The following SEC24A variants were observed in gnomAD, a reference collection of about 807,000 sequenced individuals.
SEC24A encodes protein transport protein Sec24A.
Under a neutral mutation model 129.4 loss-of-function variants are expected in SEC24A, and 93 were observed. That is an observed-to-expected ratio of 0.72 (90% CI 0.61 to 0.85). SEC24A has a LOEUF of 0.85. SEC24A is among the 40% of genes least tolerant of loss of function. The probability of loss-of-function intolerance (pLI) is 0.00; values close to 1 mark genes in which losing one functional copy is unlikely to be tolerated. For missense variants in SEC24A, 1,264 were observed against 1,307.4 expected (o/e 0.97, Z 0.51); for synonymous variants, 460 against 467.3 (o/e 0.98, Z 0.20).
chr5:134,691,960 G>A (rs2150096228), intron 11 of SEC24A, among the ~76,000 whole-genome samples: 1 of 150,282 alleles, frequency 6.7e-6, no homozygotes, highest in African/African-American at 2.4e-5. Flanking sequence ...AAAAAAAAAG[G>A]TCAAAGCAGA....
In SEC24A at chr5:134,725,105, A is replaced by G. The variant is rs774670764; in HGVS notation, c.*11A>G. On this transcript the variant is annotated 3_prime_UTR_variant, in exon 23 of 23. Coordinates refer to ENST00000398844, the MANE Select transcript of SEC24A (RefSeq NM_021982.3). ...CAAGTGAATAAATGAATGAATGAAG[A>G]AATTTGACTTATTTTTAAGGAATGT... 7.6e-7 allele frequency: 1 copy of G among 1,313,004 alleles called. No homozygotes were observed. 81.3% of individuals were successfully genotyped at this position (1,313,004 alleles called of 1,614,324 possible). A position where few individuals can be genotyped will look rare whatever the true frequency, so the allele number is the denominator to read the frequency against.
rs553916888 is a variant in SEC24A at position 134,691,775 on chromosome 5, G to A, written c.1724-827G>A. Among the ~76,000 whole-genome samples the A allele has an allele frequency of 5.3e-5, 8 of 151,964 alleles. No individual in the cohort carries two copies. The South Asian group carries it at 1.2e-3, about 24-fold the overall frequency. On this transcript the variant is annotated intron_variant, in intron 11 of 22. Transcript: ENST00000398844. ...ACTGGGATTACAGGCATGAGCCACC[G>A]TGCCCGGCCGACCTTCTTTATGAGA...
intron 13 of SEC24A, among the ~76,000 whole-genome samples, chr5:134,694,286 G>A (rs947848446): frequency 1.3e-5 from 2 of 152,102 alleles, no homozygotes; most frequent in African/African-American, 4.8e-5. Context: ...AACATCTTGG[G>A]AGGCCGAGTT....
At chr5:134,682,849 G>A (rs1355006089) in intron 9 of SEC24A, among the ~76,000 whole-genome samples, 1 of 152,170 alleles carries the variant, frequency 6.6e-6, no homozygotes, top group Non-Finnish European at 1.5e-5. Flanking sequence ...TTACAGGTGT[G>A]AGCCGCTGTG....
chr5:134,725,153 A>G lies in SEC24A; in HGVS notation c.*59A>G. On this transcript the variant is annotated 3_prime_UTR_variant, in exon 23 of 23. Coordinates refer to ENST00000398844, the MANE Select transcript of SEC24A (RefSeq NM_021982.3). ...TGTCACGATAGTGCAGAATACCTGG[A>G]AATGTGTAATACCTTCTTTTTCTAT... 1 of 832,014 alleles carries G rather than the reference A, an allele frequency of 1.2e-6. No individual in the cohort carries two copies. The highest frequency in any genetic ancestry group is 2.5e-5 in the East Asian group (1 of 40,564). 51.5% of individuals were successfully genotyped at this position (832,014 alleles called of 1,614,324 possible).
At chr5:134,668,585 G>A (rs1023772812) in intron 3 of SEC24A, among the ~76,000 whole-genome samples, 1 of 152,214 alleles carries the variant, frequency 6.6e-6, no homozygotes. Flanking sequence ...AATTAGCCGG[G>A]CATAGTGGCG....
intron 4 of SEC24A, among the ~76,000 whole-genome samples, chr5:134,672,615 C>T (rs372814898): frequency 1.3e-5 from 2 of 152,210 alleles, no homozygotes; most frequent in South Asian, 2.1e-4. Context: ...AGGCATGTGC[C>T]ATAACATCTG....
chr5:134,681,268 C>T (rs578231702), intron 8 of SEC24A, among the ~76,000 whole-genome samples: 10 of 151,364 alleles, frequency 6.6e-5, no homozygotes, highest in South Asian at 2.1e-4. Flanking sequence ...GGTGTGGTGG[C>T]GGGCACCTGT....
Position 134,721,241 on chromosome 5 carries a change from C to A in SEC24A, c.3063+151C>A, listed in dbSNP as rs1373141752. 15 of 583,442 alleles carry A rather than the reference C, an allele frequency of 2.6e-5. No individual in the cohort carries two copies. In the South Asian group the frequency reaches 3.3e-4, roughly 13 times the overall value. The allele number at this position is 583,442 out of a possible 1,614,324, so 36.1% of individuals were successfully genotyped here. On this transcript the variant is annotated intron_variant, in intron 21 of 22. Transcript: ENST00000398844. ...CATGTTGATGGATTCTATGACTCCACTCATAGAATCATTAGGGAATTTATA... is the reference window on the plus strand; with the variant it reads ...CATGTTGATGGATTCTATGACTCCAATCATAGAATCATTAGGGAATTTATA...
At chr5:134,657,179 A>AACACACACACACAC (rs1177094202) in intron 1 of SEC24A, among the ~76,000 whole-genome samples, 3 of 136,934 alleles carry the variant, frequency 2.2e-5, no homozygotes, top group African/African-American at 9.7e-5. Flanking sequence ...ATTTCTGAAA[A>AACACACACACACAC]ACGCACACAC....
chr5:134,660,974 TTGAA>T, intron 1 of SEC24A, 141 bp from the exon 2 acceptor site: 1 of 664,188 alleles, frequency 1.5e-6, no homozygotes, highest in Non-Finnish European at 2.6e-6. Flanking sequence ...GGAAGTATGT[TTGAA>T]TGTCTATTTA....
chr5:134,649,260 G>A (rs1352144377), intron 1 of SEC24A, 87 bp downstream of exon 1: 12 of 975,278 alleles, frequency 1.2e-5, no homozygotes, highest in South Asian at 3.3e-5. Flanking sequence ...CATAGATAGA[G>A]AGAGTGACCT....
At position 134,662,110 on chromosome 5, in the gene SEC24A, C is replaced by T. The variant is rs180747124; in HGVS notation, c.565+524C>T. On this transcript the variant is annotated intron_variant, in intron 2 of 22. Coordinates refer to ENST00000398844, the MANE Select transcript of SEC24A (RefSeq NM_021982.3). The stretch of plus-strand genomic sequence containing the variant: ...CCTCCCAAAGTGCGAGGATTACAGG[C>T]GTGAGCCACCACACCTGGCCACATT... Among the ~76,000 whole-genome samples, 171 of 151,890 alleles carry T rather than the reference C, an allele frequency of 1.1e-3. 3 individuals are homozygous for T. The highest frequency in any genetic ancestry group is 9.6e-4 in the Non-Finnish European group (65 of 67,954).
intron 7 of SEC24A, among the ~76,000 whole-genome samples, chr5:134,676,669 G>T (rs1021911045): frequency 1.2e-4 from 18 of 152,076 alleles, no homozygotes; most frequent in African/African-American, 4.1e-4. Context: ...GTCTCGAACT[G>T]ACCTCAAGTG....
chr5:134,717,965 C>T lies in SEC24A; in HGVS notation c.2866-104C>T, dbSNP rs540253106. 2.9e-5 allele frequency: 22 copies of T among 757,156 alleles called. No homozygotes were observed. In the African/African-American group the frequency reaches 3.5e-4, roughly 12 times the overall value. The allele number at this position is 757,156 out of a possible 1,614,324, so 46.9% of individuals were successfully genotyped here. A position where few individuals can be genotyped will look rare whatever the true frequency, so the allele number is the denominator to read the frequency against. Reference sequence around the variant, plus strand: ...ATAATTGTGATTTACCTAAGCAAGGCCCAGACTTGTAGAGGTAACATTCAT... The same window carrying T: ...ATAATTGTGATTTACCTAAGCAAGGTCCAGACTTGTAGAGGTAACATTCAT... On this transcript the variant is annotated intron_variant, in intron 19 of 22. Coordinates refer to ENST00000398844, the MANE Select transcript of SEC24A (RefSeq NM_021982.3).
In SEC24A at chr5:134,725,169, C is replaced by T; in HGVS notation, c.*75C>T. The T allele has an allele frequency of 1.4e-6, 1 of 731,878 alleles. No homozygotes were observed. Among genetic ancestry groups the T allele is most frequent in the South Asian group, 1.7e-5 (1 of 59,538 alleles). 45.3% of individuals were successfully genotyped at this position (731,878 alleles called of 1,614,324 possible). A position where few individuals can be genotyped will look rare whatever the true frequency, so the allele number is the denominator to read the frequency against. ...AATACCTGGAAATGTGTAATACCTT[C>T]TTTTTCTATTATGTTTGTGGACTAA... On this transcript the variant is annotated 3_prime_UTR_variant, in exon 23 of 23. Coordinates refer to ENST00000398844, the MANE Select transcript of SEC24A (RefSeq NM_021982.3).
chr5:134,689,544 C>T (rs1044224949), intron 11 of SEC24A, among the ~76,000 whole-genome samples: 9 of 152,086 alleles, frequency 5.9e-5, no homozygotes, highest in South Asian at 2.1e-4. Context: ...GGGTGGATCA[C>T]GAGGTCAAGA....
Position 134,649,171 on chromosome 5 carries a change from A to G in SEC24A, c.95A>G (p.Asn32Ser), listed in dbSNP as rs200202630. ...AALASGSPYT[N>S]GPVQNALLSS... ...TTGGCCTCGGGGTCTCCCTACACCAACGGTGAGTGCTGTCCGGGGGGAGGG... is the reference window on the plus strand; with the variant it reads ...TTGGCCTCGGGGTCTCCCTACACCAGCGGTGAGTGCTGTCCGGGGGGAGGG... The change falls in exon 1 of 23, where the codon AAC becomes AGC. Residue 32 changes from asparagine (N) to serine (S), a missense_variant and splice_region_variant. Asn to Ser is a conservative substitution (Grantham distance 46). Transcript: ENST00000398844. The G allele has an allele frequency of 2.2e-4, 359 of 1,602,368 alleles. No individual in the cohort carries two copies. The highest frequency in any genetic ancestry group is 2.8e-4 in the Non-Finnish European group (328 of 1,173,958).
intron 12 of SEC24A, chr5:134,693,383 AT>A: frequency 7.3e-7 from 1 of 1,360,844 alleles, no homozygotes; most frequent in East Asian, 2.9e-5. Flanking sequence ...ACTTACAAGA[AT>A]AAAGTATGTA....
Sources: gnomAD v4.1 joint callset for allele counts (sites outside exome capture counted in the v4.1 genomes callset) on GRCh38, gnomAD v4.1.1 for gene constraint, MANE v1.5 for transcripts, NCBI Gene and HGNC (gene_info 2026-07-23, HGNC 2026-07-21) for gene names.